Variants in ACSBG2 observed in about 807,000 individuals in gnomAD.
ACSBG2 encodes acyl-CoA synthetase bubblegum family member 2, also known as long-chain-fatty-acid--CoA ligase ACSBG2.
ACSBG2 carries 62 observed loss-of-function variants against 74.7 expected under a neutral mutation model. The observed-to-expected ratio is 0.83, with a 90% CI of 0.68 to 1.03. ACSBG2 has a LOEUF of 1.03. Among genes scored for constraint, ACSBG2 ranks in the 50% least tolerant of loss-of-function variants. The pLI is 0.00. For missense variants in ACSBG2, 730 were observed against 817.6 expected, an observed-to-expected ratio of 0.89 and a Z score of 1.31; for synonymous variants, 309 against 294.1, an observed-to-expected ratio of 1.05 and a Z score of -0.52.
intron 10 of ACSBG2, 59 bp downstream of exon 10, chr19:6,183,331 G>A (rs929519917): frequency 6.7e-7 from 1 of 1,490,192 alleles, no homozygotes. Flanking sequence ...AGAGGGGGAA[G>A]GTGGGTGGAT....
chr19:6,184,632 CAAAG>C (rs1195855656), intron 10 of ACSBG2, among the ~76,000 whole-genome samples: 76 of 146,192 alleles, frequency 5.2e-4, no homozygotes, highest in African/African-American at 1.7e-3. Flanking sequence ...AAAAAAAAGA[CAAAG>C]AACCCAGATT....
In ACSBG2 at chr19:6,187,647, G is replaced by A. The variant is rs549601872; in HGVS notation, c.1729G>A (p.Glu577Lys). ...AGAACCTCTGGACAAGCTGAACTTC[G>A]AGGCCATCAACTTCTGTCGGGGTCT... ...SGEPLDKLNF[E>K]AINFCRGLGS... The change falls in exon 13 of 15, where the codon GAG (glutamate) becomes AAG (lysine). Residue 577 changes from glutamate to lysine, a missense_variant. Physicochemically the swap from Glu to Lys is moderately conservative, Grantham distance 56. Transcript: ENST00000588485. The A allele has an allele frequency of 8.7e-6, 14 of 1,614,066 alleles. No individual in the cohort carries two copies. The highest frequency in any genetic ancestry group is 3.3e-5 in the Admixed American group (2 of 60,008).
At chr19:6,148,172 G>T in intron 3 of ACSBG2, 1 of 166,658 alleles carries the variant, frequency 6.0e-6, no homozygotes, top group Non-Finnish European at 1.3e-5. Context: ...CTATCAGCTG[G>T]GGCTATCTCA....
At chr19:6,147,739 A>G in intron 3 of ACSBG2, 64 bp downstream of exon 3, 1 of 1,508,562 alleles carries the variant, frequency 6.6e-7, no homozygotes, top group Non-Finnish European at 9.2e-7. Context: ...ACAGACATAC[A>G]TACATGTGGT....
intron 7 of ACSBG2, among the ~76,000 whole-genome samples, chr19:6,168,361 C>T (rs969468656): frequency 8.5e-5 from 13 of 152,226 alleles, no homozygotes; most frequent in African/African-American, 3.1e-4. Context: ...CCCTAACTTC[C>T]ATGTTTGAAA....
intron 7 of ACSBG2, among the ~76,000 whole-genome samples, chr19:6,172,943 C>T (rs1376728639): frequency 6.6e-6 from 1 of 152,164 alleles, no homozygotes; most frequent in Non-Finnish European, 1.5e-5. Flanking sequence ...CTATCACACC[C>T]CTGTCATGGG....
intron 2 of ACSBG2, among the ~76,000 whole-genome samples, chr19:6,143,027 C>G (rs1323757316): frequency 1.3e-5 from 2 of 151,780 alleles, no homozygotes; most frequent in Non-Finnish European, 2.9e-5. Context: ...CAAGACCAGC[C>G]TGGCCAACAT....
At chr19:6,142,023 G>C (rs2088861550) in intron 2 of ACSBG2, among the ~76,000 whole-genome samples, 1 of 152,160 alleles carries the variant, frequency 6.6e-6, no homozygotes, top group South Asian at 2.1e-4. Flanking sequence ...GGGCCACCGT[G>C]CCCAGCCTAG....
chr19:6,177,272 C>A lies in ACSBG2; in HGVS notation c.782C>A (p.Thr261Lys). The A allele has an allele frequency of 6.2e-7, 1 of 1,614,094 alleles. No homozygotes were observed. Among genetic ancestry groups the A allele is most frequent in the Non-Finnish European group, 8.5e-7 (1 of 1,180,016 alleles). The change falls in exon 8 of 15, where the codon ACA (threonine) becomes AAA (lysine). Residue 261 changes from threonine to lysine, a missense_variant. Thr to Lys is a moderately conservative substitution (Grantham distance 78). Transcript: ENST00000588485. The part of the protein sequence containing the change: ...AGAVTKDFKL[T>K]DKHETVVSYL... Reference sequence around the variant, plus strand: ...GCAGTGACAAAGGACTTTAAACTGACAGACAAGCATGAGACGGTGGTTAGC... The same window carrying A: ...GCAGTGACAAAGGACTTTAAACTGAAAGACAAGCATGAGACGGTGGTTAGC...
chr19:6,135,850 A>C lies in ACSBG2; in HGVS notation c.-91A>C, dbSNP rs372493991. The C allele has an allele frequency of 1.3e-5, 2 of 152,396 alleles. No homozygotes were observed. Among genetic ancestry groups the C allele is most frequent in the Non-Finnish European group, 2.9e-5 (2 of 68,200 alleles). The allele number at this position is 152,396 out of a possible 1,614,324, so 9.4% of individuals were successfully genotyped here. A position where few individuals can be genotyped will look rare whatever the true frequency, so the allele number is the denominator to read the frequency against. On this transcript the variant is annotated 5_prime_UTR_variant, in exon 1 of 15. An upstream start codon of the reference 5' UTR is lost. Coordinates refer to ENST00000588485, the MANE Select transcript of ACSBG2 (RefSeq NM_030924.5). Reference sequence around the variant, plus strand: ...AAGAAGAAAACACCTGAGTGACCAGATGTCCCAGCTCCAGGTGCCTTGCCA... The same window carrying C: ...AAGAAGAAAACACCTGAGTGACCAGCTGTCCCAGCTCCAGGTGCCTTGCCA...
intron 1 of ACSBG2, among the ~76,000 whole-genome samples, chr19:6,139,615 T>A (rs2088739364): frequency 6.6e-6 from 1 of 152,188 alleles, no homozygotes; most frequent in Admixed American, 6.5e-5. Context: ...GATTCTTGTG[T>A]CAAGCACGCT....
intron 13 of ACSBG2, 85 bp downstream of exon 13, chr19:6,187,930 G>A (rs987746108): frequency 6.5e-7 from 1 of 1,546,422 alleles, no homozygotes; most frequent in African/African-American, 1.4e-5. Context: ...CTTTTCTGAA[G>A]GTCAGAGGGT....
intron 4 of ACSBG2, among the ~76,000 whole-genome samples, chr19:6,153,292 A>G (rs1399694714): frequency 2.6e-5 from 4 of 152,086 alleles, no homozygotes; most frequent in Non-Finnish European, 4.4e-5. Flanking sequence ...AACCATTAAT[A>G]TACCAATTAT....
chr19:6,141,484 G>A, intron 1 of ACSBG2, 29 bp from the exon 2 acceptor site: 1 of 1,191,786 alleles, frequency 8.4e-7, no homozygotes, highest in South Asian at 1.2e-5. Context: ...TGCCAATCCT[G>A]TTAAACTCCC....
intron 4 of ACSBG2, among the ~76,000 whole-genome samples, 165 bp downstream of exon 4, chr19:6,151,960 C>T (rs777791381): frequency 2.5e-4 from 38 of 152,270 alleles, no homozygotes; most frequent in Admixed American, 9.2e-4. Context: ...ACAGGTCATA[C>T]GCAATAACAC....
At chr19:6,161,514 G>A in intron 6 of ACSBG2, 2 of 476,954 alleles carry the variant, frequency 4.2e-6, no homozygotes, top group Non-Finnish European at 7.7e-6. Flanking sequence ...TTCAAAGGAC[G>A]TGAAATGTGA....
At chr19:6,181,349 GAAGA>G (rs1330304934) in intron 8 of ACSBG2, among the ~76,000 whole-genome samples, 2 of 142,950 alleles carry the variant, frequency 1.4e-5, no homozygotes, top group African/African-American at 2.7e-5. Context: ...AGGAAGGAAG[GAAGA>G]AAGAAAAAGA....
intron 8 of ACSBG2, among the ~76,000 whole-genome samples, chr19:6,178,909 A>G (rs1248961232): frequency 2.0e-5 from 3 of 152,214 alleles, no homozygotes; most frequent in Non-Finnish European, 4.4e-5. Flanking sequence ...TCCCATAGGA[A>G]GCTCTGAGGC....
chr19:6,187,101 T>C (rs1234835021), intron 11 of ACSBG2, among the ~76,000 whole-genome samples, 182 bp from the exon 12 acceptor site: 2 of 149,636 alleles, frequency 1.3e-5, no homozygotes, highest in Non-Finnish European at 3.0e-5. Context: ...GCCTCCCAGG[T>C]TCAAGTGATT....
Sources: allele counts gnomAD v4.1 joint callset (sites outside exome capture counted in the v4.1 genomes callset), GRCh38; gene constraint gnomAD v4.1.1; transcripts MANE v1.5; gene names NCBI Gene and HGNC (gene_info 2026-07-23, HGNC 2026-07-21).